Variants in POLG observed in about 807,000 individuals in gnomAD.
The protein encoded by POLG is DNA polymerase subunit gamma-1.
A neutral mutation model predicts 155.4 loss-of-function variants in POLG; 110 were observed. The ratio of observed to expected loss-of-function variants is 0.71; its 90% CI spans 0.61 to 0.83. POLG has a LOEUF of 0.83. Among genes scored for constraint, POLG ranks in the 40% least tolerant of loss-of-function variants. The pLI is 0.00. For synonymous variants in POLG, 701 were observed against 631.5 expected (o/e 1.11, Z -1.65); for missense variants, 1,685 against 1,627.5 (o/e 1.04, Z -0.61).
rs527635991 is a variant in POLG at position 89,327,835 on chromosome 15, G to A, written c.1251-486C>T. Among the ~76,000 whole-genome samples, 4 of 151,526 alleles carry A rather than the reference G, an allele frequency of 2.6e-5. No homozygotes were observed. The East Asian group carries it at 7.8e-4, about 30-fold the overall frequency. ...AACCCCCGCCCTCAGCCTACTCAAC[G>A]TGAAGGATAGATATCTTTATGATGA... On this transcript the variant is annotated intron_variant, in intron 6 of 22. Transcript: ENST00000268124.
chr15:89,316,795 G>T lies in POLG; in HGVS notation c.3676C>A (p.Leu1226Ile). The stretch of plus-strand genomic sequence containing the variant: ...CGTTTTTCCAAGGAGCCTTTGGTGA[G>T]TTCAATTATCTGGTAAATATCCAGC... ...EALDIYQIIELTKGSLEKRSQ... is the reference protein window; with the variant it reads ...EALDIYQIIEITKGSLEKRSQ... Residue 1226 changes from leucine (L) to isoleucine (I), a missense_variant, in exon 23 of 23, where the codon CTC (leucine) becomes ATC (isoleucine). Leu to Ile is a conservative substitution (Grantham distance 5). This residue lies in a region of POLG where 470 missense variants were observed against 439.9 expected (regional missense o/e 1.07). Coordinates refer to ENST00000268124, the MANE Select transcript of POLG (RefSeq NM_002693.3). 6.2e-7 allele frequency: 1 copy of T among 1,613,950 alleles called. No individual in the cohort carries two copies. Among genetic ancestry groups the T allele is most frequent in the Non-Finnish European group, 8.5e-7 (1 of 1,179,842 alleles).
rs1320911033 is a variant in POLG at position 89,326,595 on chromosome 15, G to C, written c.1712+17C>G. ...GGGTAGACTCTAGATACACTGCTGG[G>C]GGTGGGCAGGGCTCACCCAGGGTGT... On this transcript the variant is annotated intron_variant, in intron 9 of 22. Coordinates refer to ENST00000268124, the MANE Select transcript of POLG (RefSeq NM_002693.3). 6.2e-7 allele frequency: 1 copy of C among 1,612,756 alleles called. No homozygotes were observed. Among genetic ancestry groups the C allele is most frequent in the Non-Finnish European group, 8.5e-7 (1 of 1,179,914 alleles).
chr15:89,325,266 GTGAGTGAGAGAGAGAGAA>G (rs2055495222), intron 10 of POLG, among the ~76,000 whole-genome samples, 166 bp downstream of exon 10: 3 of 114,502 alleles, frequency 2.6e-5, no homozygotes, highest in Middle Eastern at 4.0e-3. Flanking sequence ...GAGTGAGTGA[GTGAGTGAGAGAGAGAGAA>G]AGAGAGAGAG....
chr15:89,333,585 T>C lies in POLG; in HGVS notation c.170A>G (p.Gln57Arg), dbSNP rs916297909. The C allele has an allele frequency of 6.2e-7, 1 of 1,608,874 alleles. No homozygotes were observed. Among genetic ancestry groups the C allele is most frequent in the African/African-American group, 1.3e-5 (1 of 74,714 alleles). ...CTCCGAGGATAGCACTTGCGGCTGC[T>C]GAGGCTGCTGTTGCTGCTGCTGCTG... ...QQQQQQQQQP[Q>R]QPQVLSSEGG... is the part of the protein sequence containing the mutation. The change falls in exon 2 of 23, where the codon CAG becomes CGG. Residue 57 changes from glutamine (Q) to arginine (R), a missense_variant. Transcript: ENST00000268124.
intron 20 of POLG, 68 bp downstream of exon 20, chr15:89,318,863 G>A: frequency 6.3e-7 from 1 of 1,584,506 alleles, no homozygotes; most frequent in Non-Finnish European, 8.7e-7. Flanking sequence ...CATTGGTAAG[G>A]TCCACAGGGA....
chr15:89,333,112 T>C lies in POLG; in HGVS notation c.643A>G (p.Ile215Val). The C allele has an allele frequency of 1.3e-6, 2 of 1,520,086 alleles. No individual in the cohort carries two copies. Among genetic ancestry groups the C allele is most frequent in the Non-Finnish European group, 1.8e-6 (2 of 1,134,072 alleles). 94.2% of individuals were successfully genotyped at this position (1,520,086 alleles called of 1,614,324 possible). ...EGTCPTLAVA[I>V]SPSAWYSWCS... Reference sequence around the variant, plus strand: ...CCTACTTACCAGGCCGAGGGGGATATGGCCACCGCCAATGTGGGGCAAGTT... The same window carrying C: ...CCTACTTACCAGGCCGAGGGGGATACGGCCACCGCCAATGTGGGGCAAGTT... Residue 215 changes from isoleucine (I) to valine (V), a missense_variant, in exon 2 of 23, where the codon ATA (isoleucine) becomes GTA (valine). Physicochemically the swap from Ile to Val is conservative, Grantham distance 29. This residue lies in a region of POLG where 1,210 missense variants were observed against 1,167.1 expected (regional missense o/e 1.04). Coordinates refer to ENST00000268124, the MANE Select transcript of POLG (RefSeq NM_002693.3).
At chr15:89,323,982 C>G in intron 11 of POLG, 81 bp from the exon 12 acceptor site, 2 of 1,531,976 alleles carry the variant, frequency 1.3e-6, no homozygotes, top group Non-Finnish European at 1.8e-6. Flanking sequence ...GCATGGTACT[C>G]AGACACTGCA....
chr15:89,320,676 G>A, intron 18 of POLG, 90 bp downstream of exon 18: 1 of 1,440,056 alleles, frequency 6.9e-7, no homozygotes, highest in African/African-American at 1.4e-5. Context: ...TCAAGTAATG[G>A]GCAGGAGATA....
In POLG at chr15:89,324,240, C is replaced by G. The variant is rs577747971; in HGVS notation, c.1950-13G>C. On this transcript the variant is annotated splice_polypyrimidine_tract_variant and intron_variant, in intron 10 of 22. Transcript: ENST00000268124. ...GGACTCGATGGCTCTGGGCAGAGAA[C>G]AGTAGCAGCAGCAGCCGCTGATTAC... is the stretch of plus-strand genomic sequence containing the variant. The G allele has an allele frequency of 4.9e-5, 79 of 1,610,616 alleles. No individual in the cohort carries two copies. In the South Asian group the frequency reaches 8.1e-4, roughly 17 times the overall value.
rs794727267 is a variant in POLG at position 89,333,171 on chromosome 15, A to G, written c.584T>C (p.Leu195Pro). 5 of 1,561,366 alleles carry G rather than the reference A, an allele frequency of 3.2e-6. No homozygotes were observed. The African/African-American group carries it at 5.5e-5, about 17-fold the overall frequency. ...CAAGCAGACCTCCACGTCGAACACC[A>G]GGGCCCGCTCCTCGGGGATGGCCAC... The part of the protein sequence containing the change: ...VPVAIPEERA[L>P]VFDVEVCLAE... The change falls in exon 2 of 23, where the codon CTG becomes CCG. Residue 195 changes from leucine to proline, a missense_variant. By Grantham distance (98) the Leu-to-Pro change is moderately conservative. This residue lies in a region of POLG where 1,210 missense variants were observed against 1,167.1 expected (regional missense o/e 1.04). Transcript: ENST00000268124.
chr15:89,319,356 G>T lies in POLG; in HGVS notation c.2982-6C>A, dbSNP rs796052892. On this transcript the variant is annotated splice_polypyrimidine_tract_variant and splice_region_variant and intron_variant, in intron 18 of 22. Transcript: ENST00000268124. ...CCTCATCCGACAGCCGATACCTGGG[G>T]GCAGTGTTATCACCATCATTCCACG... 3 of 1,613,690 alleles carry T rather than the reference G, an allele frequency of 1.9e-6. No homozygotes were observed. Among genetic ancestry groups the T allele is most frequent in the Non-Finnish European group, 1.7e-6 (2 of 1,180,016 alleles).
In POLG at chr15:89,317,541, A is replaced by AAG. The variant is rs1249782262; in HGVS notation, c.3483-7_3483-6dup. On this transcript the variant is annotated splice_polypyrimidine_tract_variant and splice_region_variant and intron_variant, in intron 21 of 22. Coordinates refer to ENST00000268124, the MANE Select transcript of POLG (RefSeq NM_002693.3). The stretch of plus-strand genomic sequence containing the variant: ...AGCTTGTAGGCAAACATGCACCTGA[A>AAG]AGAGACCCAATCTACTCTCACAGTC... The AAG allele has an allele frequency of 6.2e-7, 1 of 1,613,872 alleles. No individual in the cohort carries two copies. Among genetic ancestry groups the AAG allele is most frequent in the Non-Finnish European group, 8.5e-7 (1 of 1,179,924 alleles).
intron 21 of POLG, chr15:89,317,772 T>G (rs568509680): frequency 1.8e-6 from 1 of 547,496 alleles, no homozygotes; most frequent in Non-Finnish European, 3.3e-6. Context: ...TTTTTTTTTT[T>G]CCCAGTTTGG....
chr15:89,320,943 G>A lies in POLG; in HGVS notation c.2804C>T (p.Thr935Ile), dbSNP rs2152061015. 2 of 1,613,748 alleles carry A rather than the reference G, an allele frequency of 1.2e-6. No homozygotes were observed. The highest frequency in any genetic ancestry group is 1.7e-6 in the Non-Finnish European group (2 of 1,179,802). ...ACGGCTGATGCCCACAGTAGTGGCT[G>A]TCTTACTGTGTAGATCAGTGCCCCT... ...KSRGTDLHSK[T>I]ATTVGISREH... Residue 935 changes from threonine (T) to isoleucine (I), a missense_variant, in exon 18 of 23, where the codon ACA becomes ATA. This residue lies in a region of POLG where 470 missense variants were observed against 439.9 expected (regional missense o/e 1.07). Coordinates refer to ENST00000268124, the MANE Select transcript of POLG (RefSeq NM_002693.3).
chr15:89,328,900 G>T, intron 4 of POLG, 43 bp downstream of exon 4: 3 of 1,613,914 alleles, frequency 1.9e-6, no homozygotes, highest in Non-Finnish European at 2.5e-6. Flanking sequence ...GTGAGAGGGG[G>T]TCCCAAGCAC....
At chr15:89,325,259 TG>T (rs2055494430) in intron 10 of POLG, among the ~76,000 whole-genome samples, 190 bp downstream of exon 10, 1 of 80,430 alleles carries the variant, frequency 1.2e-5, no homozygotes, top group Non-Finnish European at 2.4e-5. Flanking sequence ...AGAGAGAGAG[TG>T]AGTGAGTGAG....
chr15:89,326,470 G>C (rs1377362662), intron 9 of POLG, 142 bp downstream of exon 9: 1 of 933,828 alleles, frequency 1.1e-6, no homozygotes, highest in Non-Finnish European at 1.7e-6. Context: ...GAATAGGACT[G>C]GAAGACAGTG....
At position 89,334,808 on chromosome 15, in the gene POLG, C is replaced by G. The variant is rs970625417; in HGVS notation, c.-295G>C. ...CCGGCCGGTCCGCTTCGCTGGCAGC[C>G]GCAACTTCCCGTCTGCACCCAGCTA... On this transcript the variant is annotated 5_prime_UTR_variant, in exon 1 of 23. Transcript: ENST00000268124. 1 of 152,316 alleles carries G rather than the reference C, an allele frequency of 6.6e-6. No homozygotes were observed. The highest frequency in any genetic ancestry group is 2.4e-5 in the African/African-American group (1 of 41,470). The allele number at this position is 152,316 out of a possible 1,614,324, so 9.4% of individuals were successfully genotyped here.
Position 89,325,698 on chromosome 15 carries a change from C to G in POLG, c.1713-12G>C. The G allele has an allele frequency of 6.3e-7, 1 of 1,580,656 alleles. No homozygotes were observed. The highest frequency in any genetic ancestry group is 8.6e-7 in the Non-Finnish European group (1 of 1,158,996). On this transcript the variant is annotated splice_polypyrimidine_tract_variant and intron_variant, in intron 9 of 22. Transcript: ENST00000268124. ...GCTTCCGGTACCATCTACGTCCCAG[C>G]AGGAAGACAGCAGTGTCACGATGGT...
Sources: gnomAD v4.1 joint callset for allele counts (sites outside exome capture counted in the v4.1 genomes callset) on GRCh38, gnomAD v4.1.1 for gene constraint, gnomAD v4.1.1 regional missense constraint, MANE v1.5 for transcripts, NCBI Gene and HGNC (gene_info 2026-07-23, HGNC 2026-07-21) for gene names.